Variants in ZC3H7B observed in about 807,000 individuals in gnomAD.
ZC3H7B encodes the protein zinc finger CCCH-type containing 7B.
A neutral mutation model predicts 116.0 loss-of-function variants in ZC3H7B; 35 were observed. That is an observed-to-expected ratio of 0.30 (90% CI 0.23 to 0.40). ZC3H7B has a LOEUF of 0.40. ZC3H7B is among the 10% of genes least tolerant of loss of function. ZC3H7B has a pLI of 1.00. For synonymous variants in ZC3H7B, 502 were observed against 545.6 expected, an observed-to-expected ratio of 0.92 and a Z score of 1.11; for missense variants, 1,011 against 1,321.5, an observed-to-expected ratio of 0.77 and a Z score of 3.64.
chr22:41,323,943 G>A (rs557472158), intron 2 of ZC3H7B, among the ~76,000 whole-genome samples: 1 of 152,236 alleles, frequency 6.6e-6, no homozygotes, highest in South Asian at 2.1e-4. Context: ...GGTGGCGGGC[G>A]CTTGTAGTCC....
rs1166871654 is a variant in ZC3H7B, at chr22:41,338,399, G to A, written c.625+44G>A. ...GGGAACAAGTGGAAATTGGGGCCCC[G>A]AGAGGTCAGGGGAGTCGAGCCCCCT... On this transcript the variant is annotated intron_variant, in intron 8 of 22. Coordinates refer to ENST00000352645, the MANE Select transcript of ZC3H7B (RefSeq NM_017590.6). This position sits in a 1 kb window ranked among gnomAD's most constrained non-coding sequence, Gnocchi z 4.5. 5 of 1,604,500 alleles carry A rather than the reference G, an allele frequency of 3.1e-6. No homozygotes were observed. The highest frequency in any genetic ancestry group is 1.3e-5 in the African/African-American group (1 of 74,806).
chr22:41,308,629 A>G (rs1179571640), intron 1 of ZC3H7B, among the ~76,000 whole-genome samples: 2 of 152,184 alleles, frequency 1.3e-5, no homozygotes, highest in Admixed American at 1.3e-4. Flanking sequence ...TCCTCCCTGC[A>G]GTAGCCAAAA....
At position 41,340,268 on chromosome 22, in the gene ZC3H7B, A is replaced by G. The variant is rs545276539; in HGVS notation, c.1138+131A>G. The G allele has an allele frequency of 9.0e-6, 9 of 998,182 alleles. No individual in the cohort carries two copies. The African/African-American group carries it at 1.5e-4, about 16-fold the overall frequency. 61.8% of individuals were successfully genotyped at this position (998,182 alleles called of 1,614,324 possible). On this transcript the variant is annotated intron_variant, in intron 10 of 22. Transcript: ENST00000352645. ...CATCACTCCTTAGCAATCCCAGGCCATGTCTGTGTGTTGCCGTCTCTGCAG... is the reference window on the plus strand; with the variant it reads ...CATCACTCCTTAGCAATCCCAGGCCGTGTCTGTGTGTTGCCGTCTCTGCAG...
rs771064872 is a variant in ZC3H7B at position 41,343,416 on chromosome 22, C to T, written c.1299C>T (p.Gly433=). 11 of 1,607,796 alleles carry T rather than the reference C, an allele frequency of 6.8e-6. 1 individual carries two copies. The highest frequency in any genetic ancestry group is 4.5e-5 in the East Asian group (2 of 44,680). The change falls in exon 13 of 23, where the codon GGC becomes GGT. Residue 433 remains glycine (G), a splice_region_variant and synonymous_variant. Coordinates refer to ENST00000352645, the MANE Select transcript of ZC3H7B (RefSeq NM_017590.6). ...CATGTGTGTCCACCCTGCCCATAGG[C>T]CCCCGGGCTGGCGACTACACCTACC... ...QACQLCYPKT[G]PRAGDYTYRE...
At position 41,322,692 on chromosome 22, in the gene ZC3H7B, G is replaced by A. The variant is rs117585706; in HGVS notation, c.53+1979G>A. Among the ~76,000 whole-genome samples the A allele has an allele frequency of 5.9e-3, 898 of 152,238 alleles. 2 individuals carry two copies. Among genetic ancestry groups the A allele is most frequent in the Non-Finnish European group, 8.5e-3 (580 of 67,998 alleles). ...CTTGCAATCCTGCGTTCATCATTTTGTGTTCTTTTTCTTAAATAGGGCTCC... is the reference window on the plus strand; with the variant it reads ...CTTGCAATCCTGCGTTCATCATTTTATGTTCTTTTTCTTAAATAGGGCTCC... On this transcript the variant is annotated intron_variant, in intron 2 of 22. Transcript: ENST00000352645.
intron 2 of ZC3H7B, among the ~76,000 whole-genome samples, chr22:41,323,936 G>A (rs944574803): frequency 1.3e-5 from 2 of 152,280 alleles, no homozygotes; most frequent in Non-Finnish European, 2.9e-5. Context: ...CAGGCGTGGT[G>A]GCGGGCGCTT....
chr22:41,317,902 C>T (rs149038545), intron 1 of ZC3H7B, among the ~76,000 whole-genome samples: 18 of 152,308 alleles, frequency 1.2e-4, no homozygotes, highest in South Asian at 2.1e-4. Context: ...CCCATCTCTG[C>T]GGTGTCACTG....
chr22:41,302,433 G>A lies in ZC3H7B; in HGVS notation c.-7+661G>A, dbSNP rs1008163271. Reference sequence around the variant, plus strand: ...GGCAGGGGGGCGTTTCCGGTCGCAGGATCAGTCTCTGGACTTCGAGGCCTG... The same window carrying A: ...GGCAGGGGGGCGTTTCCGGTCGCAGAATCAGTCTCTGGACTTCGAGGCCTG... On this transcript the variant is annotated intron_variant, in intron 1 of 22. Coordinates refer to ENST00000352645, the MANE Select transcript of ZC3H7B (RefSeq NM_017590.6). This position sits in a 1 kb window ranked among gnomAD's most constrained non-coding sequence, Gnocchi z 5.7. Among the ~76,000 whole-genome samples, 2 of 152,108 alleles carry A rather than the reference G, an allele frequency of 1.3e-5. No individual in the cohort carries two copies. Among genetic ancestry groups the A allele is most frequent in the African/African-American group, 4.8e-5 (2 of 41,440 alleles).
chr22:41,332,289 C>A, intron 7 of ZC3H7B, 62 bp downstream of exon 7: 2 of 1,596,566 alleles, frequency 1.3e-6, no homozygotes, highest in Non-Finnish European at 1.7e-6. Flanking sequence ...TGGATTCACT[C>A]TCTCCGGGTA....
intron 13 of ZC3H7B, among the ~76,000 whole-genome samples, chr22:41,344,449 C>G (rs1306811903): frequency 1.3e-5 from 2 of 152,226 alleles, no homozygotes; most frequent in African/African-American, 4.8e-5. Flanking sequence ...ACCCCTCTGC[C>G]CTAACCATTC....
At chr22:41,334,458 C>T (rs886927277) in intron 7 of ZC3H7B, 1 of 152,280 alleles carries the variant, frequency 6.6e-6, no homozygotes, top group African/African-American at 2.4e-5. Flanking sequence ...GGCACCAGGC[C>T]CCCCCCAGTC....
rs567949196 is a variant in ZC3H7B, at chr22:41,310,029, C to T, written c.-7+8257C>T. 5.3e-5 allele frequency among the ~76,000 whole-genome samples: 8 copies of T among 151,956 alleles called. No homozygotes were observed. In the East Asian group the frequency reaches 1.4e-3, roughly 26 times the overall value. On this transcript the variant is annotated intron_variant, in intron 1 of 22. Transcript: ENST00000352645. The stretch of plus-strand genomic sequence containing the variant: ...GACCATCCTGGCTAACACAGTGAAA[C>T]CCCGTCTCTACTAAAAATACAAAAA...
intron 5 of ZC3H7B, among the ~76,000 whole-genome samples, chr22:41,329,695 G>A (rs1488468313): frequency 1.3e-5 from 2 of 152,192 alleles, no homozygotes; most frequent in African/African-American, 4.8e-5. Context: ...AGCACTTGCT[G>A]TCCCTGTAAC....
rs2035980849 is a variant in ZC3H7B at position 41,302,469 on chromosome 22, G to GC, written c.-7+698dup. On this transcript the variant is annotated intron_variant, in intron 1 of 22. Transcript: ENST00000352645. This position sits in a 1 kb window ranked among gnomAD's most constrained non-coding sequence, Gnocchi z 5.7. ...GGACTTCGAGGCCTGTGGGAGGCCC[G>GC]CGGCCGTCCAGGGAGTGCTAGGGGG... is the stretch of plus-strand genomic sequence containing the variant. Among the ~76,000 whole-genome samples the GC allele has an allele frequency of 6.6e-6, 1 of 152,120 alleles. No homozygotes were observed. Among genetic ancestry groups the GC allele is most frequent in the Non-Finnish European group, 1.5e-5 (1 of 67,996 alleles).
intron 1 of ZC3H7B, among the ~76,000 whole-genome samples, chr22:41,306,621 G>C (rs974253723): frequency 2.0e-4 from 31 of 152,046 alleles, no homozygotes; most frequent in African/African-American, 7.2e-4. Context: ...CCACCCGCCT[G>C]GGCCTCTCAA....
chr22:41,306,351 T>C (rs868159561), intron 1 of ZC3H7B, among the ~76,000 whole-genome samples: 7 of 151,894 alleles, frequency 4.6e-5, no homozygotes, highest in African/African-American at 1.7e-4. Context: ...AAGTGCTTTT[T>C]CCTAAATTAG....
intron 15 of ZC3H7B, 115 bp downstream of exon 15, chr22:41,348,282 A>G (rs1344006383): frequency 1.1e-6 from 1 of 872,924 alleles, no homozygotes; most frequent in African/African-American, 1.7e-5. Flanking sequence ...GGTGCAAGGA[A>G]AGGGGCAGAA....
At chr22:41,310,011 C>T (rs1277211968) in intron 1 of ZC3H7B, among the ~76,000 whole-genome samples, 2 of 151,920 alleles carry the variant, frequency 1.3e-5, no homozygotes, top group Non-Finnish European at 2.9e-5. Flanking sequence ...CGAGACCATC[C>T]TGGCTAACAC....
intron 9 of ZC3H7B, 52 bp from the exon 10 acceptor site, chr22:41,339,764 G>T: frequency 2.0e-6 from 3 of 1,524,260 alleles, no homozygotes; most frequent in Non-Finnish European, 2.7e-6. Context: ...TGCTGCCCAG[G>T]CCTGGGCAGT....
Sources: allele counts gnomAD v4.1 joint callset (sites outside exome capture counted in the v4.1 genomes callset), GRCh38; gene constraint gnomAD v4.1.1; non-coding constraint Gnocchi (gnomAD v3.1); transcripts MANE v1.5; gene names NCBI Gene and HGNC (gene_info 2026-07-23, HGNC 2026-07-21).